NPFFR1: variants seen among roughly 807,000 people sequenced by gnomAD.
The protein encoded by NPFFR1 is G-protein coupled receptor 147.
NPFFR1 carries 17 observed loss-of-function variants against 12.7 expected under a neutral mutation model. The observed-to-expected ratio is 1.34, with a 90% CI of 0.92 to 2.01. The LOEUF is 2.01. Among genes scored for constraint, NPFFR1 ranks in the 30% most tolerant of loss-of-function variants. The pLI is 0.00. For missense variants in NPFFR1, 604 were observed against 606.5 expected (o/e 1.00, Z 0.04); for synonymous variants, 296 against 264.5 (o/e 1.12, Z -1.16).
At chr10:70,272,460 C>T (rs962670192) in intron 1 of NPFFR1, among the ~76,000 whole-genome samples, 12 of 152,178 alleles carry the variant, frequency 7.9e-5, no homozygotes, top group Admixed American at 3.9e-4. Flanking sequence ...ACGCTGGACC[C>T]GCTGAAGAAC....
chr10:70,272,149 GA>G (rs1840749873), intron 1 of NPFFR1, among the ~76,000 whole-genome samples: 1 of 21,772 alleles, frequency 4.6e-5, no homozygotes, highest in African/African-American at 3.6e-4. Context: ...AAGAGAAAGG[GA>G]GAGAGAGAGA....
chr10:70,255,321 G>T lies in NPFFR1; in HGVS notation c.929C>A (p.Ala310Asp). ...APQLHLVTVY[A>D]FPFAHWLAFF... is the part of the protein sequence containing the mutation. The stretch of plus-strand genomic sequence containing the variant: ...GGCCAGCCAGTGCGCGAAGGGGAAG[G>T]CGTAGACGGTGACCAGGTGCAGCTG... The change falls in exon 4 of 4, where the codon GCC (alanine) becomes GAC (aspartate). Residue 310 changes from alanine (A) to aspartate (D), a missense_variant. By Grantham distance (126) the Ala-to-Asp change is moderately radical (BLOSUM62 -2). Coordinates refer to ENST00000277942, the MANE Select transcript of NPFFR1 (RefSeq NM_022146.5). This position sits in a 1 kb window ranked among gnomAD's most constrained non-coding sequence, Gnocchi z 4.2. The T allele has an allele frequency of 6.3e-7, 1 of 1,581,068 alleles. No individual in the cohort carries two copies.
rs56353310 is a variant in NPFFR1 at position 70,274,640 on chromosome 10, T to A, written c.8-8249A>T. On this transcript the variant is annotated intron_variant, in intron 1 of 3. Transcript: ENST00000277942. ...CACCTCTTGGTATTCCAAAGAGAAC[T>A]GGGGAGATCTACTTCATCCCTGTGT... 3.9e-5 allele frequency among the ~76,000 whole-genome samples: 6 copies of A among 151,940 alleles called. No individual in the cohort carries two copies. The South Asian group carries it at 1.0e-3, about 26-fold the overall frequency.
At chr10:70,279,605 G>A (rs934046562) in intron 1 of NPFFR1, among the ~76,000 whole-genome samples, 3 of 151,912 alleles carry the variant, frequency 2.0e-5, no homozygotes, top group African/African-American at 7.3e-5. Flanking sequence ...GATTACAAGT[G>A]TGTGCCACCA....
intron 1 of NPFFR1, among the ~76,000 whole-genome samples, chr10:70,279,960 A>G (rs912781666): frequency 6.6e-5 from 10 of 152,238 alleles, no homozygotes; most frequent in African/African-American, 2.4e-4. Flanking sequence ...GATTCAATAT[A>G]TAAGTGAGAA....
rs1840543758 is a variant in NPFFR1 at position 70,254,767 on chromosome 10, TC to T, written c.*189del. 2 of 578,642 alleles carry T rather than the reference TC, an allele frequency of 3.5e-6. No homozygotes were observed. The highest frequency in any genetic ancestry group is 5.2e-6 in the Non-Finnish European group (2 of 382,364). 35.8% of individuals were successfully genotyped at this position (578,642 alleles called of 1,614,324 possible). A position where few individuals can be genotyped will look rare whatever the true frequency, so the allele number is the denominator to read the frequency against. ...CACAGGGCAAGTTGGTTCCTTCCCG[TC>T]CCCCGCATTTGCCTCTACTGAGGGT... is the stretch of plus-strand genomic sequence containing the variant. On this transcript the variant is annotated 3_prime_UTR_variant, in exon 4 of 4. Coordinates refer to ENST00000277942, the MANE Select transcript of NPFFR1 (RefSeq NM_022146.5).
At chr10:70,282,771 C>T (rs534039424) in intron 1 of NPFFR1, among the ~76,000 whole-genome samples, 2 of 152,076 alleles carry the variant, frequency 1.3e-5, no homozygotes, top group African/African-American at 2.4e-5. Flanking sequence ...AGACAGTGGA[C>T]GAGCCCTTGG....
rs982212771 is a variant in NPFFR1 at position 70,280,901 on chromosome 10, T to C, written c.7+2769A>G. ...CCTGTAATCCCAGCTACTCAGGAGG[T>C]TGAGGCAACAAAATTGCTTGAACCT... On this transcript the variant is annotated intron_variant, in intron 1 of 3. Coordinates refer to ENST00000277942, the MANE Select transcript of NPFFR1 (RefSeq NM_022146.5). 7.2e-5 allele frequency among the ~76,000 whole-genome samples: 11 copies of C among 151,872 alleles called. No individual in the cohort carries two copies. In the South Asian group the frequency reaches 2.3e-3, roughly 32 times the overall value.
chr10:70,277,103 T>C (rs1840812245), intron 1 of NPFFR1, among the ~76,000 whole-genome samples: 1 of 152,240 alleles, frequency 6.6e-6, no homozygotes, highest in African/African-American at 2.4e-5. Context: ...CAGGACAGAT[T>C]GTCATCAGAC....
chr10:70,266,006 A>G, intron 2 of NPFFR1, 71 bp downstream of exon 2: 1 of 1,426,210 alleles, frequency 7.0e-7, no homozygotes, highest in Non-Finnish European at 9.7e-7. Flanking sequence ...CTAAGCTTTG[A>G]TTTCCAGCCT....
intron 1 of NPFFR1, among the ~76,000 whole-genome samples, chr10:70,267,812 AGGGCCAGCGAGCT>A (rs1255141319): frequency 5.3e-5 from 8 of 152,192 alleles, no homozygotes; most frequent in East Asian, 3.9e-4. Flanking sequence ...TCAGAGGAGC[AGGGCCAGCGAGCT>A]GGCATCATCA....
In NPFFR1 at chr10:70,248,088, T is replaced by G. The variant is rs1056965538; in HGVS notation, c.*6869A>C. ...TCCATCAAGGCTCTTTCTTTTACTCTGAACCTCAGTTTCCCAGATGTAGGA... is the reference window on the plus strand; with the variant it reads ...TCCATCAAGGCTCTTTCTTTTACTCGGAACCTCAGTTTCCCAGATGTAGGA... On this transcript the variant is annotated 3_prime_UTR_variant, in exon 4 of 4. Transcript: ENST00000277942. The G allele has an allele frequency of 2.0e-5, 3 of 152,176 alleles. No individual in the cohort carries two copies. The highest frequency in any genetic ancestry group is 4.4e-5 in the Non-Finnish European group (3 of 68,022). 9.4% of individuals were successfully genotyped at this position (152,176 alleles called of 1,614,324 possible).
rs143345098 is a variant in NPFFR1 at position 70,259,905 on chromosome 10, A to C, written c.422+735T>G. 2.6e-5 allele frequency among the ~76,000 whole-genome samples: 4 copies of C among 152,208 alleles called. No homozygotes were observed. In the East Asian group the frequency reaches 7.8e-4, roughly 30 times the overall value. ...TTAGGTGACCCACCCAACATGATACACCAAGGCAGGAGTGAGCAAATCTCC... is the reference window on the plus strand; with the variant it reads ...TTAGGTGACCCACCCAACATGATACCCCAAGGCAGGAGTGAGCAAATCTCC... On this transcript the variant is annotated intron_variant, in intron 3 of 3. Transcript: ENST00000277942.
Position 70,254,835 on chromosome 10 carries a change from G to T in NPFFR1, c.*122C>A. On this transcript the variant is annotated 3_prime_UTR_variant, in exon 4 of 4. Transcript: ENST00000277942. ...ACATCACCAGCAGCTGCCCACCACT[G>T]CCTGGCTCTGGAGAGGGAGGGACCA... is the stretch of plus-strand genomic sequence containing the variant. 1.7e-6 allele frequency: 2 copies of T among 1,159,560 alleles called. No homozygotes were observed. Among genetic ancestry groups the T allele is most frequent in the Non-Finnish European group, 2.2e-6 (2 of 899,570 alleles). 71.8% of individuals were successfully genotyped at this position (1,159,560 alleles called of 1,614,324 possible). A position where few individuals can be genotyped will look rare whatever the true frequency, so the allele number is the denominator to read the frequency against.
At chr10:70,280,434 G>A (rs1470103065) in intron 1 of NPFFR1, among the ~76,000 whole-genome samples, 1 of 152,214 alleles carries the variant, frequency 6.6e-6, no homozygotes, top group Admixed American at 6.5e-5. Flanking sequence ...TGACAGGTAT[G>A]AGATGATGTC....
chr10:70,281,408 C>T (rs1183800568), intron 1 of NPFFR1, among the ~76,000 whole-genome samples: 1 of 152,148 alleles, frequency 6.6e-6, no homozygotes, highest in Non-Finnish European at 1.5e-5. Flanking sequence ...TTAAGGCACC[C>T]ATTTCTTGCC....
chr10:70,272,642 C>T (rs1411321799), intron 1 of NPFFR1, among the ~76,000 whole-genome samples: 6 of 152,216 alleles, frequency 3.9e-5, no homozygotes, highest in South Asian at 2.1e-4. Flanking sequence ...TTAAACTTTT[C>T]GTCAAACAGA....
intron 2 of NPFFR1, among the ~76,000 whole-genome samples, chr10:70,263,867 T>C (rs1840659880): frequency 6.6e-6 from 1 of 152,000 alleles, no homozygotes; most frequent in Admixed American, 6.5e-5. Context: ...ATCCCAGCAC[T>C]TTGGGAGGCT....
At chr10:70,273,983 A>G (rs1840775643) in intron 1 of NPFFR1, among the ~76,000 whole-genome samples, 1 of 152,100 alleles carries the variant, frequency 6.6e-6, no homozygotes, top group East Asian at 1.9e-4. Flanking sequence ...TGTTCCCTAG[A>G]TTAGATGTTT....
Sources: allele counts gnomAD v4.1 joint callset (sites outside exome capture counted in the v4.1 genomes callset), GRCh38; gene constraint gnomAD v4.1.1; non-coding constraint Gnocchi (gnomAD v3.1); transcripts MANE v1.5; gene names NCBI Gene and HGNC (gene_info 2026-07-23, HGNC 2026-07-21).